ANO3: variants seen among roughly 807,000 people sequenced by gnomAD.
The protein encoded by ANO3 is anoctamin 3.
A neutral mutation model predicts 144.8 loss-of-function variants in ANO3; 99 were observed. That is an observed-to-expected ratio of 0.68 (90% CI 0.58 to 0.81). The LOEUF is 0.81. Among genes scored for constraint, ANO3 ranks in the 30% least tolerant of loss-of-function variants. The pLI is 0.00. For synonymous variants in ANO3, 414 were observed against 392.6 expected (o/e 1.05, Z -0.64); for missense variants, 905 against 1,202.2 (o/e 0.75, Z 3.66).
intron 3 of ANO3, among the ~76,000 whole-genome samples, chr11:26,444,753 A>G (rs1858645520): frequency 6.6e-6 from 1 of 152,214 alleles, no homozygotes; most frequent in South Asian, 2.1e-4. Context: ...ATCACTCGTC[A>G]TAACTTTTAA....
At chr11:26,432,476 A>G (rs1045591792) in intron 1 of ANO3, among the ~76,000 whole-genome samples, 1 of 152,158 alleles carries the variant, frequency 6.6e-6, no homozygotes, top group Non-Finnish European at 1.5e-5. Flanking sequence ...GAACTTTGCC[A>G]GTTCCTATGT....
intron 18 of ANO3, among the ~76,000 whole-genome samples, chr11:26,631,821 G>A (rs7112532): frequency 0.52 from 78,947 of 151,862 alleles, 21,933 homozygotes; most frequent in East Asian, 0.69. Context: ...AAGCTTTAAA[G>A]TATAGATAGC....
intron 3 of ANO3, among the ~76,000 whole-genome samples, chr11:26,455,088 C>T (rs1256915176): frequency 6.6e-6 from 1 of 152,062 alleles, no homozygotes; most frequent in South Asian, 2.1e-4. Context: ...ATAATAAGAG[C>T]TATTTATGAC....
At chr11:26,601,025 A>G (rs893304664) in intron 17 of ANO3, among the ~76,000 whole-genome samples, 44 of 152,294 alleles carry the variant, frequency 2.9e-4, no homozygotes, top group African/African-American at 9.4e-4. Context: ...GAAGGCACCT[A>G]TTGGCACATT....
At chr11:26,533,944 A>G (rs1849437804) in intron 8 of ANO3, among the ~76,000 whole-genome samples, 1 of 152,204 alleles carries the variant, frequency 6.6e-6, no homozygotes, top group South Asian at 2.1e-4. Context: ...ATACTGAAAC[A>G]GACCCTTCCA....
At chr11:26,497,075 C>G (rs1306290845) in intron 4 of ANO3, among the ~76,000 whole-genome samples, 1 of 150,634 alleles carries the variant, frequency 6.6e-6, no homozygotes, top group Non-Finnish European at 1.5e-5. Context: ...TATATATACA[C>G]AGACACACAA....
At chr11:26,659,099 C>T (rs77105364) in intron 26 of ANO3, among the ~76,000 whole-genome samples, 12,711 of 150,028 alleles carry the variant, frequency 0.085, 735 homozygotes, top group South Asian at 0.16. Flanking sequence ...CACACACACA[C>T]ATATATATAT....
chr11:26,396,426 C>T lies in ANO3; in HGVS notation c.47-45492C>T, dbSNP rs926822677. On this transcript the variant is annotated intron_variant, in intron 1 of 26. Transcript: ENST00000256737. ...CTAGAACCAGAAATAACATTTGACC[C>T]AGCAGTCCCATTACTGGGTATATAC... Among the ~76,000 whole-genome samples the T allele has an allele frequency of 1.5e-4, 23 of 152,214 alleles. No homozygotes were observed. In the South Asian group the frequency reaches 3.7e-3, roughly 25 times the overall value.
At chr11:26,621,779 T>C (rs904766922) in intron 17 of ANO3, among the ~76,000 whole-genome samples, 9 of 152,170 alleles carry the variant, frequency 5.9e-5, no homozygotes, top group African/African-American at 2.2e-4. Flanking sequence ...TATTAATTAA[T>C]ATATATGAAT....
chr11:26,634,140 C>T (rs538236553), intron 18 of ANO3, 64 bp from the exon 19 acceptor site: 3 of 909,736 alleles, frequency 3.3e-6, no homozygotes, highest in African/African-American at 3.3e-5. Context: ...TTTCTGCCTC[C>T]ATGTCCAGAG....
At chr11:26,457,362 ATTAAAT>A (rs1419068973) in intron 3 of ANO3, among the ~76,000 whole-genome samples, 2 of 151,694 alleles carry the variant, frequency 1.3e-5, no homozygotes, top group African/African-American at 4.8e-5. Flanking sequence ...AGATTTATAG[ATTAAAT>A]TTAAAATTTT....
intron 10 of ANO3, among the ~76,000 whole-genome samples, chr11:26,540,010 A>G (rs1849605071): frequency 6.6e-6 from 1 of 152,162 alleles, no homozygotes; most frequent in African/African-American, 2.4e-5. Context: ...CAGAAAATAT[A>G]TAGTCACCGC....
At chr11:26,501,479 CCATCCACACTGGGAAAGAGTGT>C (rs1209242494) in intron 4 of ANO3, among the ~76,000 whole-genome samples, 1 of 152,120 alleles carries the variant, frequency 6.6e-6, no homozygotes, top group Non-Finnish European at 1.5e-5. Context: ...CATCTGAGAG[CCATCCACACTGGGAAAGAGTGT>C]CATCCTTGTT....
In ANO3 at chr11:26,565,138, A is replaced by G; in HGVS notation, c.1447+5359A>G. On this transcript the variant is annotated intron_variant, in intron 14 of 26. Transcript: ENST00000256737. ...ATTTGGAATTTCAGTTTCACACAAAAGGAAAGTTAAAATCATTTATATTTA... is the reference window on the plus strand; with the variant it reads ...ATTTGGAATTTCAGTTTCACACAAAGGGAAAGTTAAAATCATTTATATTTA... The G allele has an allele frequency of 5.4e-6, 8 of 1,488,218 alleles. No individual in the cohort carries two copies. The South Asian group carries it at 1.2e-4, about 22-fold the overall frequency. 92.2% of individuals were successfully genotyped at this position (1,488,218 alleles called of 1,614,324 possible).
At chr11:26,373,238 A>C (rs1856312584) in intron 1 of ANO3, among the ~76,000 whole-genome samples, 1 of 152,210 alleles carries the variant, frequency 6.6e-6, no homozygotes, top group Admixed American at 6.5e-5. Flanking sequence ...TGTAATCCCT[A>C]TAATCCCTAC....
intron 1 of ANO3, among the ~76,000 whole-genome samples, chr11:26,430,247 T>A (rs114834530): frequency 0.15 from 21,777 of 144,948 alleles, 1,789 homozygotes; most frequent in South Asian, 0.31. Flanking sequence ...AGCAACTGTC[T>A]AAAAAAAAAA....
At chr11:26,235,590 T>C (rs1449691133) in intron 1 of ANO3, among the ~76,000 whole-genome samples, 2 of 132,440 alleles carry the variant, frequency 1.5e-5, no homozygotes, top group Non-Finnish European at 3.4e-5. Context: ...TTTAACAATG[T>C]ATACTTTTTT....
intron 1 of ANO3, among the ~76,000 whole-genome samples, chr11:26,352,009 A>C (rs1163761843): frequency 2.6e-5 from 4 of 152,192 alleles, no homozygotes; most frequent in Non-Finnish European, 5.9e-5. Flanking sequence ...ATAGAAATCC[A>C]GCTGGAGTTG....
intron 4 of ANO3, among the ~76,000 whole-genome samples, chr11:26,468,443 G>A (rs768053542): frequency 3.2e-4 from 48 of 151,942 alleles, no homozygotes; most frequent in Admixed American, 1.1e-3. Flanking sequence ...GAATATTTTA[G>A]CAGTTCATTA....
Sources: gnomAD v4.1 joint callset for allele counts (sites outside exome capture counted in the v4.1 genomes callset) on GRCh38, gnomAD v4.1.1 for gene constraint, MANE v1.5 for transcripts, NCBI Gene and HGNC (gene_info 2026-07-23, HGNC 2026-07-21) for gene names.